DCHS2: variants seen among roughly 807,000 people sequenced by gnomAD.
DCHS2 encodes the protein protocadherin-23.
DCHS2 carries 142 observed loss-of-function variants against 182.4 expected under a neutral mutation model. The observed-to-expected ratio is 0.78, with a 90% confidence interval of 0.68 to 0.89. The LOEUF (loss-of-function observed/expected upper bound fraction) is 0.89. Among genes scored for constraint, DCHS2 ranks in the 40% least tolerant of loss-of-function variants. The pLI, the probability that DCHS2 is intolerant of heterozygous loss-of-function variation, is 0.00. For missense variants in DCHS2, 4,319 were observed against 4,198.6 expected (o/e 1.03, Z -0.79); for synonymous variants, 1,740 against 1,663.3 (o/e 1.05, Z -1.12).
chr4:154,338,616 T>G (rs1728923775), intron 3 of DCHS2, among the ~76,000 whole-genome samples: 1 of 152,208 alleles, frequency 6.6e-6, no homozygotes, highest in Non-Finnish European at 1.5e-5. Flanking sequence ...CTACTCTATA[T>G]TTGTGTAAGT....
chr4:154,275,251 A>T (rs186409151), intron 13 of DCHS2, among the ~76,000 whole-genome samples: 1 of 152,252 alleles, frequency 6.6e-6, no homozygotes, highest in Admixed American at 6.5e-5. Context: ...AAAAGGGATA[A>T]AACAGAATTT....
At chr4:154,392,888 G>T (rs549882830) in intron 1 of DCHS2, among the ~76,000 whole-genome samples, 1 of 152,220 alleles carries the variant, frequency 6.6e-6, no homozygotes, top group Non-Finnish European at 1.5e-5. Context: ...TTCTAACTTG[G>T]GGACTGTTTG....
chr4:154,320,971 A>C lies in DCHS2; in HGVS notation c.4428T>G (p.Leu1476=). The change falls in exon 9 of 20, where the codon CTT becomes CTG. Residue 1476 remains leucine (L), a synonymous_variant. Coordinates refer to ENST00000357232, the MANE Select transcript of DCHS2 (RefSeq NM_001358235.2). The stretch of plus-strand genomic sequence containing the variant: ...TATGGTCTGTAGTAATCACTCTGAA[A>C]AGATAATGAGATGTCGTCTCATAAT... ...ELDYETTSHY[L]FRVITTDHSK... 1.2e-6 allele frequency: 2 copies of C among 1,614,104 alleles called. No homozygotes were observed. Among genetic ancestry groups the C allele is most frequent in the Non-Finnish European group, 1.7e-6 (2 of 1,179,998 alleles).
Position 154,320,803 on chromosome 4 carries a change from G to A in DCHS2, c.4596C>T (p.Phe1532=). The A allele has an allele frequency of 6.2e-7, 1 of 1,614,010 alleles. No homozygotes were observed. Among genetic ancestry groups the A allele is most frequent in the Non-Finnish European group, 8.5e-7 (1 of 1,179,984 alleles). Residue 1532 remains phenylalanine (F), a synonymous_variant, in exon 9 of 20, where the codon TTC becomes TTT. Coordinates refer to ENST00000357232, the MANE Select transcript of DCHS2 (RefSeq NM_001358235.2). ...AACTGCCGTCATCATCTTTGGCATTGAAGACATACACCAGGGTTCCTATGG... is the reference window on the plus strand; with the variant it reads ...AACTGCCGTCATCATCTTTGGCATTAAAGACATACACCAGGGTTCCTATGG... The part of the protein sequence containing the change: ...NVPIGTLVYV[F]NAKDDDGSFL...
At chr4:154,379,304 A>G (rs2110813372) in intron 1 of DCHS2, among the ~76,000 whole-genome samples, 1 of 152,320 alleles carries the variant, frequency 6.6e-6, no homozygotes, top group East Asian at 1.9e-4. Context: ...TTTGGCCCAG[A>G]AGCCGTGCTC....
chr4:154,315,371 AT>A (rs1735815474), intron 10 of DCHS2, among the ~76,000 whole-genome samples: 1 of 152,174 alleles, frequency 6.6e-6, no homozygotes, highest in South Asian at 2.1e-4. Flanking sequence ...CCACTATGCT[AT>A]ATATACAGAG....
chr4:154,351,433 G>T (rs1419759326), intron 3 of DCHS2, among the ~76,000 whole-genome samples: 1 of 151,946 alleles, frequency 6.6e-6, no homozygotes, highest in Non-Finnish European at 1.5e-5. Flanking sequence ...TATTTAGAGT[G>T]GTATTATTAC....
chr4:154,290,736 T>C (rs1325350866), intron 13 of DCHS2, among the ~76,000 whole-genome samples: 1 of 152,136 alleles, frequency 6.6e-6, no homozygotes, highest in Non-Finnish European at 1.5e-5. Context: ...TATATCCATG[T>C]GCAAAAGAAT....
chr4:154,265,013 T>A (rs1402449737), intron 14 of DCHS2, among the ~76,000 whole-genome samples: 1 of 152,196 alleles, frequency 6.6e-6, no homozygotes, highest in Non-Finnish European at 1.5e-5. Flanking sequence ...GGACTTTATA[T>A]ATGTTAAAGT....
intron 1 of DCHS2, among the ~76,000 whole-genome samples, chr4:154,394,539 C>T (rs1731853030): frequency 6.6e-6 from 1 of 152,174 alleles, no homozygotes. Flanking sequence ...TTTATTATCC[C>T]TCTTTGTCAA....
chr4:154,409,666 C>G (rs940366570), intron 1 of DCHS2, among the ~76,000 whole-genome samples: 1 of 152,178 alleles, frequency 6.6e-6, no homozygotes, highest in Non-Finnish European at 1.5e-5. Context: ...GCACAGGACT[C>G]TGGCTCCACA....
chr4:154,316,015 A>T (rs1424065712), intron 9 of DCHS2, 28 bp from the exon 10 acceptor site: 25 of 1,611,322 alleles, frequency 1.6e-5, no homozygotes, highest in Non-Finnish European at 2.0e-5. Flanking sequence ...GAAAAGCAAC[A>T]TGTAATGAAT....
At chr4:154,379,347 T>C (rs1331900512) in intron 1 of DCHS2, among the ~76,000 whole-genome samples, 1 of 152,156 alleles carries the variant, frequency 6.6e-6, no homozygotes, top group African/African-American at 2.4e-5. Context: ...ACCAGTTATA[T>C]GTCCCCAGCT....
Position 154,320,775 on chromosome 4 carries a change from A to G in DCHS2, c.4624T>C (p.Leu1542=). 6.2e-7 allele frequency: 1 copy of G among 1,614,092 alleles called. No homozygotes were observed. Among genetic ancestry groups the G allele is most frequent in the South Asian group, 1.1e-5 (1 of 91,078 alleles). ...FNAKDDDGSF[L]NSRIQYYIES... ...ATGTAGTATTGTATTCTACTGTTCA[A>G]AAAACTGCCGTCATCATCTTTGGCA... Residue 1542 remains leucine, a synonymous_variant, in exon 9 of 20, where the codon TTG becomes CTG. Transcript: ENST00000357232.
intron 1 of DCHS2, among the ~76,000 whole-genome samples, chr4:154,382,375 T>C (rs578113038): frequency 6.6e-6 from 1 of 152,172 alleles, no homozygotes; most frequent in South Asian, 2.1e-4. Flanking sequence ...ATATAAGACC[T>C]CAAACTATAA....
intron 1 of DCHS2, among the ~76,000 whole-genome samples, chr4:154,480,629 A>G (rs1178116326): frequency 6.6e-6 from 1 of 152,260 alleles, no homozygotes; most frequent in Non-Finnish European, 1.5e-5. Flanking sequence ...GTATGCAATA[A>G]TTACAAATTA....
intron 1 of DCHS2, among the ~76,000 whole-genome samples, chr4:154,472,671 C>T (rs1008452484): frequency 1.3e-5 from 2 of 152,060 alleles, no homozygotes; most frequent in African/African-American, 4.8e-5. Context: ...CTAACACTGA[C>T]GGAAGCATAA....
chr4:154,275,201 T>C (rs1301477204), intron 13 of DCHS2, among the ~76,000 whole-genome samples: 2 of 152,062 alleles, frequency 1.3e-5, no homozygotes, highest in Non-Finnish European at 2.9e-5. Context: ...AGTGTGATAT[T>C]GCCTGCAAAA....
At chr4:154,391,093 A>G in intron 1 of DCHS2, 1 of 1,333,018 alleles carries the variant, frequency 7.5e-7, no homozygotes, top group Non-Finnish European at 1.0e-6. Context: ...GCCAGTATGA[A>G]TCTCATATGT....
Sources: allele counts gnomAD v4.1 joint callset (sites outside exome capture counted in the v4.1 genomes callset), GRCh38; gene constraint gnomAD v4.1.1; transcripts MANE v1.5; gene names NCBI Gene and HGNC (gene_info 2026-07-23, HGNC 2026-07-21).